Variants in TLN2 observed in about 807,000 individuals in gnomAD.
TLN2 encodes the protein talin-2.
A neutral mutation model predicts 294.7 loss-of-function variants in TLN2; 118 were observed. The ratio of observed to expected loss-of-function variants is 0.40; its 90% confidence interval spans 0.34 to 0.47. TLN2 has a LOEUF of 0.47. Ranked by LOEUF, TLN2 falls within the 20% of genes least tolerant of loss-of-function variation. The pLI, the probability that TLN2 is intolerant of heterozygous loss-of-function variation, is 0.84. For missense variants in TLN2, 3,083 were observed against 3,282.2 expected, an observed-to-expected ratio of 0.94 and a Z score of 1.48; for synonymous variants, 1,431 against 1,304.5, an observed-to-expected ratio of 1.10 and a Z score of -2.09.
intron 45 of TLN2, among the ~76,000 whole-genome samples, chr15:62,791,928 G>A (rs1257805746): frequency 6.6e-6 from 1 of 152,170 alleles, no homozygotes; most frequent in Non-Finnish European, 1.5e-5. Context: ...GAGCCCACTT[G>A]GCCTCTCTTA....
At position 62,731,784 on chromosome 15, in the gene TLN2, G is replaced by A. The variant is rs150467751; in HGVS notation, c.3358+4595G>A. 3.2e-4 allele frequency among the ~76,000 whole-genome samples: 48 copies of A among 152,256 alleles called. 1 individual carries two copies. The highest frequency in any genetic ancestry group is 1.1e-3 in the African/African-American group (44 of 41,554). On this transcript the variant is annotated intron_variant, in intron 28 of 58. Coordinates refer to ENST00000636159, the MANE Select transcript of TLN2 (RefSeq NM_015059.3). Reference sequence around the variant, plus strand: ...ACCTTGGTGCCTTGGTATTTCTCCAGTGTCTTCAAATAAATGTTTTATATA... The same window carrying A: ...ACCTTGGTGCCTTGGTATTTCTCCAATGTCTTCAAATAAATGTTTTATATA...
intron 1 of TLN2, among the ~76,000 whole-genome samples, chr15:62,546,255 T>C (rs1410165203): frequency 6.6e-6 from 1 of 152,214 alleles, no homozygotes; most frequent in Non-Finnish European, 1.5e-5. Context: ...ATGAAATCGA[T>C]TCTTGCTGGA....
intron 9 of TLN2, among the ~76,000 whole-genome samples, chr15:62,660,459 G>A (rs1029510823): frequency 1.3e-5 from 2 of 152,184 alleles, no homozygotes; most frequent in African/African-American, 4.8e-5. Flanking sequence ...AGTGTGGGGA[G>A]CCAGGAAAAA....
chr15:62,827,328 TGAG>T, intron 54 of TLN2, among the ~76,000 whole-genome samples: 1 of 152,120 alleles, frequency 6.6e-6, no homozygotes, highest in Middle Eastern at 3.4e-3. Context: ...GTAAGGATAT[TGAG>T]GAGGAGGTCA....
At chr15:62,782,764 G>T (rs1041991164) in intron 44 of TLN2, among the ~76,000 whole-genome samples, 1 of 152,228 alleles carries the variant, frequency 6.6e-6, no homozygotes, top group Non-Finnish European at 1.5e-5. Flanking sequence ...GCCTTAGAAA[G>T]GGTGGACATT....
intron 1 of TLN2, among the ~76,000 whole-genome samples, chr15:62,433,938 G>A (rs1334473050): frequency 3.9e-5 from 6 of 152,140 alleles, no homozygotes; most frequent in Admixed American, 2.0e-4. Flanking sequence ...GCAGTGAGCC[G>A]AGATCACGCC....
chr15:62,672,797 G>C (rs2055586647), intron 9 of TLN2, among the ~76,000 whole-genome samples: 1 of 152,002 alleles, frequency 6.6e-6, no homozygotes, highest in African/African-American at 2.4e-5. Flanking sequence ...TGGTGTCGGG[G>C]GGTTGCCACC....
chr15:62,398,007 C>T lies in TLN2; in HGVS notation c.-238+7322C>T, dbSNP rs141763250. Among the ~76,000 whole-genome samples the T allele has an allele frequency of 3.9e-5, 6 of 152,262 alleles. No homozygotes were observed. In the East Asian group the frequency reaches 7.7e-4, roughly 20 times the overall value. ...CCACTGGTTTAGAGGAACTAGCTAC[C>T]TCTCTTCCATGGGTCTTGTGCTCTT... On this transcript the variant is annotated intron_variant, in intron 1 of 58. Coordinates refer to ENST00000636159, the MANE Select transcript of TLN2 (RefSeq NM_015059.3).
intron 1 of TLN2, among the ~76,000 whole-genome samples, chr15:62,587,871 C>T (rs2140722790): frequency 6.6e-6 from 1 of 152,272 alleles, no homozygotes; most frequent in South Asian, 2.1e-4. Flanking sequence ...AATAAGGTCT[C>T]CACTTTCTAA....
At position 62,707,124 on chromosome 15, in the gene TLN2, A is replaced by G. The variant is rs772139813; in HGVS notation, c.2043A>G (p.Ala681=). 2.5e-6 allele frequency: 4 copies of G among 1,614,120 alleles called. No individual in the cohort carries two copies. In the Admixed American group the frequency reaches 6.7e-5, roughly 27 times the overall value. Residue 681 remains alanine, a synonymous_variant, in exon 20 of 59, where the codon GCA becomes GCG. Transcript: ENST00000636159. ...GTTTGGCCAAAGCTGTTGCCAATGC[A>G]GCTGCCATGTTGGTACTAAAGGCAA... ...LMSLAKAVAN[A]AAMLVLKAKN... is the part of the protein sequence containing the mutation.
In TLN2 at chr15:62,580,843, T is replaced by TC. The variant is rs1448952264; in HGVS notation, c.-237-8844_-237-8843insC. 4.3e-3 allele frequency among the ~76,000 whole-genome samples: 340 copies of TC among 78,244 alleles called. 6 individuals carry two copies. Among genetic ancestry groups the TC allele is most frequent in the Admixed American group, 0.042 (303 of 7,240 alleles). The allele number at this position is 78,244 out of a possible 152,430, so 51.3% of individuals were successfully genotyped here. ...TCAGTGCTGCTTATTTTTTCCTGCC[T>TC]TCGCCCCGCCCCCTGACCCCTGGCA... is the stretch of plus-strand genomic sequence containing the variant. On this transcript the variant is annotated intron_variant, in intron 1 of 58. Coordinates refer to ENST00000636159, the MANE Select transcript of TLN2 (RefSeq NM_015059.3).
chr15:62,492,514 C>A (rs1368630684), intron 1 of TLN2, among the ~76,000 whole-genome samples: 2 of 150,410 alleles, frequency 1.3e-5, no homozygotes, highest in African/African-American at 4.9e-5. Context: ...CGAGATGGCG[C>A]CCCTGGGCGA....
At chr15:62,761,570 A>G in intron 37 of TLN2, 111 bp from the exon 38 acceptor site, 2 of 1,470,356 alleles carry the variant, frequency 1.4e-6, no homozygotes, top group Non-Finnish European at 1.9e-6. Context: ...GTCACCAGAG[A>G]TTTTCAGTGT....
In TLN2 at chr15:62,776,906, G is replaced by C. The variant is rs772626421; in HGVS notation, c.5510G>C (p.Ser1837Thr). Residue 1837 changes from serine (S) to threonine (T), a missense_variant, in exon 43 of 59, where the codon AGC (serine) becomes ACC (threonine). Ser to Thr is a moderately conservative substitution (Grantham distance 58). Coordinates refer to ENST00000636159, the MANE Select transcript of TLN2 (RefSeq NM_015059.3). ...GMVDAIAEAM[S>T]KLDEGTPPEP... is the part of the protein sequence containing the mutation. ...GTGGACGCCATTGCAGAAGCCATGAGCAAGGTGGGCATGGGCTCTAGGGCT... is the reference window on the plus strand; with the variant it reads ...GTGGACGCCATTGCAGAAGCCATGACCAAGGTGGGCATGGGCTCTAGGGCT... 1.3e-6 allele frequency: 2 copies of C among 1,569,642 alleles called. No homozygotes were observed. Among genetic ancestry groups the C allele is most frequent in the South Asian group, 1.2e-5 (1 of 85,248 alleles).
At position 62,840,472 on chromosome 15, in the gene TLN2, T is replaced by C; in HGVS notation, c.7501-10T>C. 1 of 1,613,960 alleles carries C rather than the reference T, an allele frequency of 6.2e-7. No individual in the cohort carries two copies. Among genetic ancestry groups the C allele is most frequent in the Non-Finnish European group, 8.5e-7 (1 of 1,179,924 alleles). The stretch of plus-strand genomic sequence containing the variant: ...TGTTAGGTCCATCCAGCTTGTTGCT[T>C]TCTTTCTAGATCATCGCCGCCCAGG... On this transcript the variant is annotated splice_polypyrimidine_tract_variant and intron_variant, in intron 58 of 58. Coordinates refer to ENST00000636159, the MANE Select transcript of TLN2 (RefSeq NM_015059.3).
intron 52 of TLN2, among the ~76,000 whole-genome samples, chr15:62,812,092 G>A (rs1271023882): frequency 6.6e-6 from 1 of 152,050 alleles, no homozygotes; most frequent in Non-Finnish European, 1.5e-5. Context: ...TCTGGCTGGT[G>A]GGTGGTACTT....
chr15:62,709,896 G>T (rs909316711), intron 21 of TLN2, among the ~76,000 whole-genome samples: 1 of 151,762 alleles, frequency 6.6e-6, no homozygotes, highest in African/African-American at 2.4e-5. Context: ...CATGATGCCC[G>T]GCTAATTTTT....
At chr15:62,797,093 C>T in intron 47 of TLN2, 126 bp from the exon 48 acceptor site, 2 of 1,024,948 alleles carry the variant, frequency 2.0e-6, no homozygotes, top group South Asian at 3.2e-5. Context: ...GGAGGTGTAA[C>T]ACAGCACTTC....
At chr15:62,816,746 G>A (rs2067148227) in intron 52 of TLN2, among the ~76,000 whole-genome samples, 1 of 152,172 alleles carries the variant, frequency 6.6e-6, no homozygotes, top group Admixed American at 6.5e-5. Context: ...TATTCATGCT[G>A]TGTTGGCCAC....
Sources: allele counts gnomAD v4.1 joint callset (sites outside exome capture counted in the v4.1 genomes callset), GRCh38; gene constraint gnomAD v4.1.1; transcripts MANE v1.5; gene names NCBI Gene and HGNC (gene_info 2026-07-23, HGNC 2026-07-21).